Variants in NAA60 observed in about 807,000 individuals in gnomAD.
NAA60 encodes N-alpha-acetyltransferase 60, NatF catalytic subunit.
A neutral mutation model predicts 26.1 loss-of-function variants in NAA60; 8 were observed. That is an observed-to-expected ratio of 0.31 (90% CI 0.18 to 0.55). The LOEUF (loss-of-function observed/expected upper bound fraction) is 0.55, where lower values mean the gene tolerates loss of function less well. Ranked by LOEUF, NAA60 falls within the 20% of genes least tolerant of loss-of-function variation. The probability of loss-of-function intolerance (pLI) is 0.93; values close to 1 mark genes in which losing one functional copy is unlikely to be tolerated. For synonymous variants in NAA60, 131 were observed against 122.5 expected (o/e 1.07, Z -0.46); for missense variants, 290 against 311.3 (o/e 0.93, Z 0.51).
chr16:3,477,054 G>A (rs1039781125), intron 3 of NAA60, among the ~76,000 whole-genome samples: 2 of 151,770 alleles, frequency 1.3e-5, no homozygotes, highest in African/African-American at 2.4e-5. Context: ...AAAAAAGAAA[G>A]AAAGATATTA....
At chr16:3,458,213 G>GAGGGCGGC (rs1220920590) in intron 2 of NAA60, 4 of 983,266 alleles carry the variant, frequency 4.1e-6, no homozygotes, top group Non-Finnish European at 4.8e-6. Context: ...GCCGGGGCTC[G>GAGGGCGGC]GACCTGCGGC....
chr16:3,464,994 G>A (rs999075393), intron 2 of NAA60, among the ~76,000 whole-genome samples: 1 of 152,220 alleles, frequency 6.6e-6, no homozygotes, highest in Non-Finnish European at 1.5e-5. Context: ...GGGGCCGGGT[G>A]CAGTGGCTCA....
intron 1 of NAA60, chr16:3,447,346 G>A (rs1596278532): frequency 1.6e-5 from 6 of 367,128 alleles, no homozygotes; most frequent in Non-Finnish European, 2.3e-5. Context: ...ATATATTTAT[G>A]TGGTACATGA....
At chr16:3,459,539 G>T (rs561661178) in intron 2 of NAA60, among the ~76,000 whole-genome samples, 1 of 152,192 alleles carries the variant, frequency 6.6e-6, no homozygotes, top group African/African-American at 2.4e-5. Flanking sequence ...CAGCAGTGAA[G>T]GCTAGTCTTC....
At position 3,482,497 on chromosome 16, in the gene NAA60, T is replaced by A; in HGVS notation, c.241-5T>A. On this transcript the variant is annotated splice_region_variant and splice_polypyrimidine_tract_variant and intron_variant, in intron 4 of 7. Coordinates refer to ENST00000407558, the MANE Select transcript of NAA60 (RefSeq NM_001083601.3). Reference sequence around the variant, plus strand: ...GCCTGACTTTCTCTCTGACTCTTCCTCTAGGATGGAGATATTCTAGCATCC... The same window carrying A: ...GCCTGACTTTCTCTCTGACTCTTCCACTAGGATGGAGATATTCTAGCATCC... 2 of 1,593,338 alleles carry A rather than the reference T, an allele frequency of 1.3e-6. No individual in the cohort carries two copies. Among genetic ancestry groups the A allele is most frequent in the Non-Finnish European group, 1.7e-6 (2 of 1,168,972 alleles).
intron 6 of NAA60, 31 bp from the exon 7 acceptor site, chr16:3,484,668 C>T: frequency 6.4e-7 from 1 of 1,568,072 alleles, no homozygotes; most frequent in Non-Finnish European, 8.6e-7. Flanking sequence ...GTGGTCAGGG[C>T]AAGTCGGAAT....
intron 2 of NAA60, among the ~76,000 whole-genome samples, chr16:3,465,662 T>C (rs1292323803): frequency 6.6e-6 from 1 of 152,164 alleles, no homozygotes; most frequent in Non-Finnish European, 1.5e-5. Context: ...TGCCTTCTTC[T>C]GTGTGACCCC....
intron 2 of NAA60, among the ~76,000 whole-genome samples, chr16:3,469,531 G>T (rs1276723142): frequency 4.3e-4 from 50 of 115,120 alleles, no homozygotes; most frequent in Middle Eastern, 5.0e-3. Flanking sequence ...CACTGCCCTG[G>T]TACCCATCCT....
chr16:3,485,357 C>T (rs1296014378), intron 7 of NAA60, 110 bp from the exon 8 acceptor site: 6 of 478,454 alleles, frequency 1.3e-5, no homozygotes, highest in Non-Finnish European at 2.5e-5. Flanking sequence ...GAGAAGGGCT[C>T]ATGCTCCTGG....
chr16:3,451,025 A>C (rs960220699), intron 2 of NAA60, among the ~76,000 whole-genome samples: 11 of 152,244 alleles, frequency 7.2e-5, no homozygotes, highest in Non-Finnish European at 1.2e-4. Flanking sequence ...GACACTTAGT[A>C]AATAATGCAT....
chr16:3,473,463 C>T (rs1004707817), intron 2 of NAA60, among the ~76,000 whole-genome samples: 13 of 152,184 alleles, frequency 8.5e-5, no homozygotes, highest in African/African-American at 2.2e-4. Context: ...ACCACAAGAA[C>T]AGTATGGGCG....
At chr16:3,472,583 C>T (rs973969068) in intron 2 of NAA60, among the ~76,000 whole-genome samples, 3 of 152,056 alleles carry the variant, frequency 2.0e-5, no homozygotes, top group Non-Finnish European at 4.4e-5. Context: ...CAGGTGCCTG[C>T]CACTGCGCCC....
At position 3,485,962 on chromosome 16, in the gene NAA60, C is replaced by CT; in HGVS notation, c.*702_*703insT. 3 of 298,446 alleles carry CT rather than the reference C, an allele frequency of 1.0e-5. No individual in the cohort carries two copies. The highest frequency in any genetic ancestry group is 2.0e-5 in the Non-Finnish European group (3 of 150,718). 18.5% of individuals were successfully genotyped at this position (298,446 alleles called of 1,614,324 possible). On this transcript the variant is annotated 3_prime_UTR_variant, in exon 8 of 8. Transcript: ENST00000407558. ...TGCAGTTACCAGTGCCCTGGGAGGT[C>CT]ACACTGCCCGTCGGACCTTGGCATG... is the stretch of plus-strand genomic sequence containing the variant.
intron 2 of NAA60, among the ~76,000 whole-genome samples, chr16:3,454,904 C>T (rs1374034087): frequency 6.6e-6 from 1 of 152,176 alleles, no homozygotes; most frequent in African/African-American, 2.4e-5. Context: ...TTTTAGTGTA[C>T]AAATAACCTT....
Position 3,479,566 on chromosome 16 carries a change from C to G in NAA60, c.206C>G (p.Ala69Gly). Residue 69 changes from alanine to glycine, a missense_variant, in exon 4 of 8, where the codon GCT (alanine) becomes GGT (glycine). Ala to Gly is a moderately conservative substitution (Grantham distance 60). Coordinates refer to ENST00000407558, the MANE Select transcript of NAA60 (RefSeq NM_001083601.3). ...GGTGCCATTGTGGGAATGATAGTAGCTGAAATTAAGAACAGGACCAAAATA... is the reference window on the plus strand; with the variant it reads ...GGTGCCATTGTGGGAATGATAGTAGGTGAAATTAAGAACAGGACCAAAATA... Reference protein sequence around the residue: ...YRGAIVGMIVAEIKNRTKIHK... With the variant: ...YRGAIVGMIVGEIKNRTKIHK... 1 of 1,614,042 alleles carries G rather than the reference C, an allele frequency of 6.2e-7. No homozygotes were observed. Among genetic ancestry groups the G allele is most frequent in the Non-Finnish European group, 8.5e-7 (1 of 1,179,894 alleles).
At chr16:3,478,621 C>T (rs780466121) in intron 3 of NAA60, among the ~76,000 whole-genome samples, 31 of 152,204 alleles carry the variant, frequency 2.0e-4, no homozygotes, top group Non-Finnish European at 4.0e-4. Flanking sequence ...GCCTGCTCCG[C>T]TCAGAGGGGT....
chr16:3,479,665 G>C, intron 4 of NAA60, 65 bp downstream of exon 4: 1 of 1,573,444 alleles, frequency 6.4e-7, no homozygotes, highest in Non-Finnish European at 8.7e-7. Flanking sequence ...GGGGGCTTGC[G>C]ATGGAATCAT....
rs1412842426 is a variant in NAA60 at position 3,443,820 on chromosome 16, G to C, written c.-94G>C. On this transcript the variant is annotated 5_prime_UTR_variant, in exon 1 of 8. Transcript: ENST00000407558. ...GACTGGGAGACACCGGAACTCGAAA[G>C]AAAATCGGTAACAAAATGTGGGTTC... 1 of 1,534,770 alleles carries C rather than the reference G, an allele frequency of 6.5e-7. No homozygotes were observed.
At chr16:3,480,596 TA>T (rs199584965) in intron 4 of NAA60, among the ~76,000 whole-genome samples, 1,317 of 129,816 alleles carry the variant, frequency 0.01, 6 homozygotes, top group African/African-American at 0.018. Flanking sequence ...AGACTTCGTC[TA>T]AAAAAAAAAA....
Sources: allele counts gnomAD v4.1 joint callset (sites outside exome capture counted in the v4.1 genomes callset), GRCh38; gene constraint gnomAD v4.1.1; transcripts MANE v1.5; gene names NCBI Gene and HGNC (gene_info 2026-07-23, HGNC 2026-07-21).